Variants in DEAF1 observed in about 807,000 individuals in gnomAD.
DEAF1 encodes the protein deformed epidermal autoregulatory factor 1 homolog.
A neutral mutation model predicts 58.9 loss-of-function variants in DEAF1; 53 were observed. The ratio of observed to expected loss-of-function variants is 0.90; its 90% CI spans 0.72 to 1.13. The LOEUF (loss-of-function observed/expected upper bound fraction) is 1.13, where lower values mean the gene tolerates loss of function less well. Among genes scored for constraint, DEAF1 ranks in the 50% most tolerant of loss-of-function variants. The probability of loss-of-function intolerance (pLI) is 0.00; values close to 1 mark genes in which losing one functional copy is unlikely to be tolerated. For missense variants in DEAF1, 685 were observed against 791.4 expected, an observed-to-expected ratio of 0.87 and a Z score of 1.61; for synonymous variants, 385 against 340.4, an observed-to-expected ratio of 1.13 and a Z score of -1.44.
rs762413862 is a variant in DEAF1, at chr11:694,924, G to GCACCGGCTC, written c.115_123dup (p.Glu39_Val41dup). The GCACCGGCTC allele has an allele frequency of 9.2e-5, 124 of 1,350,454 alleles. No individual in the cohort carries two copies. Among genetic ancestry groups the GCACCGGCTC allele is most frequent in the Non-Finnish European group, 1.1e-4 (118 of 1,046,802 alleles). The allele number at this position is 1,350,454 out of a possible 1,614,324, so 83.7% of individuals were successfully genotyped here. A position where few individuals can be genotyped will look rare whatever the true frequency, so the allele number is the denominator to read the frequency against. ...TCCTCCGAGTCCTCGTCCCTGCTCA[G>GCACCGGCTC]CACCGGCTCCTCCGCCTCGCCTCCT... On this transcript the variant is annotated inframe_insertion, in exon 1 of 12. Coordinates refer to ENST00000382409, the MANE Select transcript of DEAF1 (RefSeq NM_021008.4).
chr11:658,354 A>G (rs1464220149), intron 10 of DEAF1, among the ~76,000 whole-genome samples: 5 of 152,322 alleles, frequency 3.3e-5, no homozygotes, highest in African/African-American at 4.8e-5. Flanking sequence ...GCATGAACCC[A>G]GGAGGTGGAG....
At chr11:667,428 GAGGAAAGGAAGGA>G (rs1406421908) in intron 10 of DEAF1, among the ~76,000 whole-genome samples, 12 of 148,588 alleles carry the variant, frequency 8.1e-5, no homozygotes, top group African/African-American at 2.8e-4. Flanking sequence ...AGGAGGAAAA[GAGGAAAGGAAGGA>G]AGGAAGGAAG....
chr11:684,903 T>G lies in DEAF1; in HGVS notation c.865A>C (p.Thr289Pro). 1 of 1,551,418 alleles carries G rather than the reference T, an allele frequency of 6.4e-7. No individual in the cohort carries two copies. Among genetic ancestry groups the G allele is most frequent in the Non-Finnish European group, 8.7e-7 (1 of 1,146,910 alleles). ...CTCAACCDDM[T>P]LSGPVRLFVP... Reference sequence around the variant, plus strand: ...CAGACACGCTGGCCACTTACTAAGGTCATGTCGTCGCAGCAGGCAGCACAG... The same window carrying G: ...CAGACACGCTGGCCACTTACTAAGGGCATGTCGTCGCAGCAGGCAGCACAG... The change falls in exon 6 of 12, where the codon ACC becomes CCC. Residue 289 changes from threonine (T) to proline (P), a missense_variant. Coordinates refer to ENST00000382409, the MANE Select transcript of DEAF1 (RefSeq NM_021008.4).
At chr11:661,363 C>T (rs374650689) in intron 10 of DEAF1, among the ~76,000 whole-genome samples, 24 of 152,186 alleles carry the variant, frequency 1.6e-4, no homozygotes, top group African/African-American at 5.8e-4. Flanking sequence ...AAGCTGGCAA[C>T]AATCCCCTTA....
chr11:650,029 AAAAACAAAAAC>A (rs1414297394), intron 11 of DEAF1, among the ~76,000 whole-genome samples: 3 of 39,336 alleles, frequency 7.6e-5, no homozygotes, highest in African/African-American at 1.6e-4. Context: ...TCTAAAAAAC[AAAAACAAAAAC>A]AAAAACAAAA....
intron 7 of DEAF1, 48 bp from the exon 8 acceptor site, chr11:679,864 G>C: frequency 6.2e-7 from 1 of 1,608,074 alleles, no homozygotes; most frequent in East Asian, 2.2e-5. Flanking sequence ...TGGCGCCCAC[G>C]GCACACAGGT....
intron 1 of DEAF1, among the ~76,000 whole-genome samples, chr11:701,764 A>C (rs1861508574): frequency 6.6e-6 from 1 of 152,060 alleles, no homozygotes; most frequent in Non-Finnish European, 1.5e-5. Flanking sequence ...GGGCTCAAGC[A>C]ATCTGCCCAC....
intron 1 of DEAF1, chr11:706,344 G>A (rs1458252784): frequency 6.6e-6 from 1 of 152,160 alleles, no homozygotes; most frequent in Non-Finnish European, 1.5e-5. Flanking sequence ...TTACCCGGTG[G>A]CGATGGGACG....
intron 1 of DEAF1, chr11:704,522 C>G (rs1226576360): frequency 7.8e-7 from 1 of 1,289,468 alleles, no homozygotes; most frequent in Non-Finnish European, 1.0e-6. Flanking sequence ...CCTCCCTCAC[C>G]AGCGCCTGCA....
At chr11:671,169 C>A (rs1859809318) in intron 10 of DEAF1, among the ~76,000 whole-genome samples, 2 of 151,402 alleles carry the variant, frequency 1.3e-5, no homozygotes, top group South Asian at 4.2e-4. Flanking sequence ...ACCTCGTGAT[C>A]CGCCCGCCTC....
chr11:686,699 G>A (rs1181199372), intron 5 of DEAF1, among the ~76,000 whole-genome samples, 159 bp downstream of exon 5: 1 of 152,208 alleles, frequency 6.6e-6, no homozygotes, highest in Non-Finnish European at 1.5e-5. Flanking sequence ...TGAAACATGA[G>A]AGGGTAAATC....
At chr11:656,294 T>C (rs1016383263) in intron 10 of DEAF1, among the ~76,000 whole-genome samples, 1 of 152,150 alleles carries the variant, frequency 6.6e-6, no homozygotes, top group South Asian at 2.1e-4. Flanking sequence ...TAGCTGGGAT[T>C]ATAGGCGCTT....
intron 1 of DEAF1, among the ~76,000 whole-genome samples, chr11:701,688 C>T (rs565970472): frequency 5.3e-5 from 8 of 152,186 alleles, no homozygotes; most frequent in East Asian, 1.9e-4. Context: ...GGATTACAGG[C>T]GTGAGCCACC....
In DEAF1 at chr11:644,526, G is replaced by T. The variant is rs754762861; in HGVS notation, c.*24C>A. On this transcript the variant is annotated 3_prime_UTR_variant, in exon 12 of 12. Transcript: ENST00000382409. The surrounding 1 kb of genome is among the most constrained non-coding windows in gnomAD (Gnocchi z 4.3). ...CCTCACAGGAGTGCGAGGGGCCCCA[G>T]CTCCCAGGGCGGCCGATGGAGCCTC... 1 of 1,602,348 alleles carries T rather than the reference G, an allele frequency of 6.2e-7. No individual in the cohort carries two copies.
chr11:686,720 G>C, intron 5 of DEAF1, 138 bp downstream of exon 5: 2 of 1,163,210 alleles, frequency 1.7e-6, no homozygotes, highest in African/African-American at 1.5e-5. Context: ...ACTCGCCCAA[G>C]GCCACACAGA....
At chr11:655,475 C>G (rs1858997481) in intron 10 of DEAF1, among the ~76,000 whole-genome samples, 1 of 152,236 alleles carries the variant, frequency 6.6e-6, no homozygotes, top group African/African-American at 2.4e-5. Flanking sequence ...ACGGAGAAGA[C>G]CACTGGGCCT....
intron 2 of DEAF1, among the ~76,000 whole-genome samples, chr11:690,846 A>G (rs115267498): frequency 0.012 from 1,805 of 152,336 alleles, 25 homozygotes; most frequent in African/African-American, 0.041. Context: ...ACAGGTGCCA[A>G]TGGTCCCAGG....
chr11:674,727 G>T lies in DEAF1; in HGVS notation c.1312C>A (p.Pro438Thr), dbSNP rs2133365534. 1.9e-6 allele frequency: 3 copies of T among 1,613,846 alleles called. No individual in the cohort carries two copies. Residue 438 changes from proline (P) to threonine (T), a missense_variant, in exon 10 of 12, where the codon CCT becomes ACT. Pro to Thr is a conservative substitution (Grantham distance 38, BLOSUM62 -1). Coordinates refer to ENST00000382409, the MANE Select transcript of DEAF1 (RefSeq NM_021008.4). ...TCCAGCCCATTGACCAACGCGGGAGGTGCCGCTTTGGTGGGAGTCGGGGGT... is the reference window on the plus strand; with the variant it reads ...TCCAGCCCATTGACCAACGCGGGAGTTGCCGCTTTGGTGGGAGTCGGGGGT... ...VPPPTPTKAA[P>T]PALVNGLELS... is the part of the protein sequence containing the mutation.
At chr11:647,279 C>G (rs1044673783) in intron 11 of DEAF1, among the ~76,000 whole-genome samples, 2 of 152,122 alleles carry the variant, frequency 1.3e-5, no homozygotes, top group African/African-American at 4.8e-5. Context: ...CATGGTGAAA[C>G]CCCGTCTCTG....
Sources: allele counts gnomAD v4.1 joint callset (sites outside exome capture counted in the v4.1 genomes callset), GRCh38; gene constraint gnomAD v4.1.1; non-coding constraint Gnocchi (gnomAD v3.1); transcripts MANE v1.5; gene names NCBI Gene and HGNC (gene_info 2026-07-23, HGNC 2026-07-21).